The following CPVL variants were observed in gnomAD, a reference collection of about 807,000 sequenced individuals.
CPVL encodes carboxypeptidase vitellogenic like, also known as probable serine carboxypeptidase CPVL.
CPVL carries 51 observed loss-of-function variants against 63.7 expected under a neutral mutation model. The ratio of observed to expected loss-of-function variants is 0.80; its 90% CI spans 0.64 to 1.01. CPVL has a LOEUF of 1.01. Among genes scored for constraint, CPVL ranks in the 50% least tolerant of loss-of-function variants. The pLI, the probability that CPVL is intolerant of heterozygous loss-of-function variation, is 0.00. For missense variants in CPVL, 530 were observed against 573.1 expected (o/e 0.92, Z 0.77); for synonymous variants, 195 against 206.0 (o/e 0.95, Z 0.46).
rs575148771 is a variant in CPVL at position 29,177,620 on chromosome 7, T to C, written c.-11+3670A>G. On this transcript the variant is annotated intron_variant, in intron 5 of 16. Coordinates refer to the CPVL transcript ENST00000409850. The stretch of plus-strand genomic sequence containing the variant: ...CCCCTCATTTTTTCTCTCTCTCTTT[T>C]CCTTCTTCCATCTGTTTATCTATCT... 4.6e-5 allele frequency among the ~76,000 whole-genome samples: 7 copies of C among 151,878 alleles called. No individual in the cohort carries two copies. In the East Asian group the frequency reaches 1.4e-3, roughly 29 times the overall value.
intron 11 of CPVL, among the ~76,000 whole-genome samples, chr7:29,055,474 C>A (rs1790639362): frequency 6.8e-6 from 1 of 146,582 alleles, no homozygotes; most frequent in South Asian, 2.2e-4. Flanking sequence ...TGGTCTTGAA[C>A]TCCTGACCTC....
intron 4 of CPVL, among the ~76,000 whole-genome samples, chr7:29,182,918 A>G (rs965220905): frequency 1.3e-5 from 2 of 152,170 alleles, no homozygotes; most frequent in African/African-American, 4.8e-5. Context: ...AATCCAGAAC[A>G]AAGATAAACA....
chr7:29,045,224 T>C (rs1789499815), intron 11 of CPVL, among the ~76,000 whole-genome samples: 1 of 152,168 alleles, frequency 6.6e-6, no homozygotes, highest in African/African-American at 2.4e-5. Context: ...TTTCATAATT[T>C]ATAGGTATTC....
rs1434982554 is a variant in CPVL, at chr7:29,175,770, CAG to C, written c.-11+5518_-11+5519del. Among the ~76,000 whole-genome samples the C allele has an allele frequency of 1.4e-4, 21 of 152,140 alleles. No individual in the cohort carries two copies. The South Asian group carries it at 4.4e-3, about 32-fold the overall frequency. On this transcript the variant is annotated intron_variant, in intron 5 of 16. Coordinates refer to the CPVL transcript ENST00000409850. ...CAGGGAAAAAAACAAAACAAAAAAA[CAG>C]TGAAAAATATGAAAGAAGGGTTAGG...
At chr7:29,031,644 T>C (rs1463869681) in intron 11 of CPVL, among the ~76,000 whole-genome samples, 6 of 152,130 alleles carry the variant, frequency 3.9e-5, no homozygotes, top group Non-Finnish European at 7.4e-5. Context: ...TTGTAGAATA[T>C]ATTCTAGGAA....
intron 3 of CPVL, among the ~76,000 whole-genome samples, chr7:29,099,281 G>A (rs1786810100): frequency 6.6e-6 from 1 of 152,208 alleles, no homozygotes; most frequent in South Asian, 2.1e-4. Context: ...GACAGAATAG[G>A]AAAGTGGGCT....
intron 4 of CPVL, 144 bp downstream of exon 4, chr7:29,095,959 G>C: frequency 2.8e-6 from 2 of 725,488 alleles, no homozygotes; most frequent in Admixed American, 2.1e-5. Context: ...TTCTCGGATG[G>C]ATATTGCCAG....
intron 11 of CPVL, among the ~76,000 whole-genome samples, chr7:29,032,207 G>A (rs1348624803): frequency 2.0e-5 from 3 of 152,018 alleles, no homozygotes; most frequent in Admixed American, 2.0e-4. Context: ...CCTTTACGGT[G>A]CGGGTTCTTA....
chr7:29,051,574 A>G (rs1425683118), intron 11 of CPVL, among the ~76,000 whole-genome samples: 1 of 152,222 alleles, frequency 6.6e-6, no homozygotes, highest in African/African-American at 2.4e-5. Flanking sequence ...AAGGATGGCC[A>G]TAATCAAAAA....
At chr7:29,153,227 CT>C (rs1230745165) in intron 5 of CPVL, among the ~76,000 whole-genome samples, 2 of 152,180 alleles carry the variant, frequency 1.3e-5, no homozygotes, top group Non-Finnish European at 2.9e-5. Flanking sequence ...GTATGTGGGC[CT>C]CTGTGTGTAC....
At chr7:29,086,966 T>C (rs1051771668) in intron 6 of CPVL, among the ~76,000 whole-genome samples, 10 of 152,174 alleles carry the variant, frequency 6.6e-5, no homozygotes, top group Non-Finnish European at 1.5e-4. Context: ...TGGGGGACTC[T>C]GAACATTTCT....
chr7:29,121,008 G>C lies in CPVL; in HGVS notation c.54C>G (p.Gly18=). The C allele has an allele frequency of 6.2e-7, 1 of 1,612,778 alleles. No homozygotes were observed. Among genetic ancestry groups the C allele is most frequent in the Non-Finnish European group, 8.5e-7 (1 of 1,179,486 alleles). Residue 18 remains glycine (G), a synonymous_variant, in exon 2 of 13, where the codon GGC becomes GGG. Coordinates refer to ENST00000265394, the MANE Select transcript of CPVL (RefSeq NM_031311.5). The stretch of plus-strand genomic sequence containing the variant: ...GGGAGCGAAACAGCCCATCACAGGG[G>C]CCAGGCATCAACAGGACCAGCGAAA... The part of the protein sequence containing the change: ...VIVSLVLLMP[G]PCDGLFRSLY...
Position 29,153,034 on chromosome 7 carries a change from G to A in CPVL, c.-11+28256C>T, listed in dbSNP as rs538542945. On this transcript the variant is annotated intron_variant, in intron 5 of 16. Transcript: ENST00000409850. ...CACAGGGAAGGATGTCCAGGAGAAG[G>A]ACAGGTGTAAAGGTAGCACTCTACA... Among the ~76,000 whole-genome samples, 3 of 152,180 alleles carry A rather than the reference G, an allele frequency of 2.0e-5. No homozygotes were observed. The East Asian group carries it at 5.8e-4, about 29-fold the overall frequency.
At chr7:29,045,791 A>AT (rs1211897854) in intron 11 of CPVL, among the ~76,000 whole-genome samples, 1 of 152,236 alleles carries the variant, frequency 6.6e-6, no homozygotes, top group Non-Finnish European at 1.5e-5. Context: ...GCCACAAGCA[A>AT]TTAGAATGAC....
chr7:29,119,828 A>G (rs936698885), intron 2 of CPVL, among the ~76,000 whole-genome samples: 1 of 152,166 alleles, frequency 6.6e-6, no homozygotes, highest in Non-Finnish European at 1.5e-5. Context: ...ACACCAGCTG[A>G]TATCTGCATG....
intron 3 of CPVL, among the ~76,000 whole-genome samples, chr7:29,110,433 C>T (rs1788127558): frequency 6.6e-6 from 1 of 152,228 alleles, no homozygotes; most frequent in Admixed American, 6.5e-5. Flanking sequence ...GGTCACTTTT[C>T]AGCCAGGAGC....
chr7:29,022,423 A>G (rs1332749933), intron 12 of CPVL, among the ~76,000 whole-genome samples: 1 of 152,172 alleles, frequency 6.6e-6, no homozygotes. Flanking sequence ...CTGGCATCCT[A>G]GTGTGCCATT....
intron 1 of CPVL, among the ~76,000 whole-genome samples, chr7:29,129,932 C>G (rs1472592958): frequency 6.6e-6 from 1 of 152,116 alleles, no homozygotes; most frequent in Non-Finnish European, 1.5e-5. Context: ...AGTGATGTAT[C>G]TACAAGCCAA....
chr7:29,082,609 C>T (rs968345414), intron 7 of CPVL: 5 of 152,244 alleles, frequency 3.3e-5, no homozygotes, highest in Non-Finnish European at 2.9e-5. Context: ...CCATGTAGTT[C>T]GGGGAGGATG....
Sources: allele counts gnomAD v4.1 joint callset (sites outside exome capture counted in the v4.1 genomes callset), GRCh38; gene constraint gnomAD v4.1.1; transcripts MANE v1.5; gene names NCBI Gene and HGNC (gene_info 2026-07-23, HGNC 2026-07-21).